STYXL2: variants seen among roughly 807,000 people sequenced by gnomAD.
The protein encoded by STYXL2 is serine/threonine/tyrosine interacting like 2.
Under a neutral mutation model 52.4 loss-of-function variants are expected in STYXL2, and 44 were observed. The observed-to-expected ratio is 0.84, with a 90% CI of 0.66 to 1.08. STYXL2 has a LOEUF of 1.08. STYXL2 is among the 50% of genes least tolerant of loss of function. The pLI, the probability that STYXL2 is intolerant of heterozygous loss-of-function variation, is 0.00. For missense variants in STYXL2, 1,604 were observed against 1,471.7 expected (o/e 1.09, Z -1.47); for synonymous variants, 604 against 586.9 (o/e 1.03, Z -0.42).
chr1:167,094,708 G>C, intron 1 of STYXL2, 126 bp from the exon 2 acceptor site: 1 of 658,140 alleles, frequency 1.5e-6, no homozygotes, highest in Non-Finnish European at 2.7e-6. Context: ...TTCCTTGCTG[G>C]TCTTTTGCCC....
chr1:167,119,178 C>A, intron 4 of STYXL2, 71 bp from the exon 5 acceptor site: 1 of 1,458,384 alleles, frequency 6.9e-7, no homozygotes, highest in Non-Finnish European at 9.5e-7. Context: ...CTGAGGCAGG[C>A]TCACCGTCAC....
intron 2 of STYXL2, among the ~76,000 whole-genome samples, chr1:167,098,092 A>G (rs939614542): frequency 1.4e-5 from 2 of 145,194 alleles, no homozygotes; most frequent in Non-Finnish European, 3.0e-5. Context: ...GCTCACTGCA[A>G]CCTCTGCCTC....
intron 2 of STYXL2, among the ~76,000 whole-genome samples, chr1:167,095,272 A>C (rs1332587785): frequency 6.6e-6 from 1 of 150,980 alleles, no homozygotes; most frequent in Non-Finnish European, 1.5e-5. Flanking sequence ...GATGGACCCG[A>C]ACCTCAGAGG....
rs1291665972 is a variant in STYXL2 at position 167,127,577 on chromosome 1, G to A, written c.2446G>A (p.Val816Met). The change falls in exon 6 of 6, where the codon GTG becomes ATG. Residue 816 changes from valine (V) to methionine (M), a missense_variant. By Grantham distance (21) the Val-to-Met change is conservative (BLOSUM62 1). Coordinates refer to ENST00000361200, the MANE Select transcript of STYXL2 (RefSeq NM_001080426.3). The stretch of plus-strand genomic sequence containing the variant: ...ACCCGCGGAAAGTTGCAGAAGCAAA[G>A]TGAGGGGGACCAGCAAGCCCATCTT... ...SSPAESCRSK[V>M]RGTSKPIFSL... The A allele has an allele frequency of 1.1e-5, 17 of 1,614,086 alleles. No individual in the cohort carries two copies. Among genetic ancestry groups the A allele is most frequent in the Non-Finnish European group, 1.4e-5 (17 of 1,180,034 alleles).
intron 2 of STYXL2, among the ~76,000 whole-genome samples, chr1:167,097,915 C>T (rs537348018): frequency 2.0e-5 from 3 of 151,376 alleles, no homozygotes; most frequent in African/African-American, 7.3e-5. Flanking sequence ...GTAATTCTAG[C>T]ACTTTTGGAG....
chr1:167,110,803 C>A (rs1400285056), intron 2 of STYXL2, among the ~76,000 whole-genome samples: 2 of 152,196 alleles, frequency 1.3e-5, no homozygotes, highest in Non-Finnish European at 2.9e-5. Flanking sequence ...TGGCCCTTAC[C>A]ACATCCTTTC....
Position 167,097,745 on chromosome 1 carries a change from G to A in STYXL2, c.110+2786G>A, listed in dbSNP as rs115981108. Among the ~76,000 whole-genome samples, 7 of 151,794 alleles carry A rather than the reference G, an allele frequency of 4.6e-5. No homozygotes were observed. In the East Asian group the frequency reaches 1.2e-3, roughly 25 times the overall value. On this transcript the variant is annotated intron_variant, in intron 2 of 5. Transcript: ENST00000361200. Reference sequence around the variant, plus strand: ...GAAAATAGTAGGATGGTAGATTTAAGCTCAAATATATAAATAACTACATTA... The same window carrying A: ...GAAAATAGTAGGATGGTAGATTTAAACTCAAATATATAAATAACTACATTA...
At chr1:167,108,418 A>T (rs1667549585) in intron 2 of STYXL2, among the ~76,000 whole-genome samples, 1 of 152,294 alleles carries the variant, frequency 6.6e-6, no homozygotes, top group African/African-American at 2.4e-5. Context: ...ATAATATCCC[A>T]TGAACTTTAC....
Position 167,113,656 on chromosome 1 carries a change from G to A in STYXL2, c.111-54G>A, listed in dbSNP as rs555980676. The A allele has an allele frequency of 1.8e-5, 24 of 1,321,318 alleles. No individual in the cohort carries two copies. The East Asian group carries it at 5.1e-4, about 28-fold the overall frequency. The allele number at this position is 1,321,318 out of a possible 1,614,324, so 81.8% of individuals were successfully genotyped here. On this transcript the variant is annotated intron_variant, in intron 2 of 5. Coordinates refer to ENST00000361200, the MANE Select transcript of STYXL2 (RefSeq NM_001080426.3). ...AGCCAGGTTTCTCATCTAAAAGAAT[G>A]CCTTCAGTTCAGATGCTACAGGCTT... is the stretch of plus-strand genomic sequence containing the variant.
At chr1:167,117,172 T>G (rs2094464) in intron 3 of STYXL2, among the ~76,000 whole-genome samples, 156 bp from the exon 4 acceptor site, 1,789 of 152,332 alleles carry the variant, frequency 0.012, 32 homozygotes, top group African/African-American at 0.041. Context: ...GCAGGTACCC[T>G]GGGCCCAATT....
chr1:167,115,895 G>C (rs1288877317), intron 3 of STYXL2, among the ~76,000 whole-genome samples: 1 of 152,114 alleles, frequency 6.6e-6, no homozygotes, highest in Non-Finnish European at 1.5e-5. Flanking sequence ...ATGAAATCCT[G>C]AGCCCTAGGC....
At chr1:167,097,195 T>C (rs1231972238) in intron 2 of STYXL2, among the ~76,000 whole-genome samples, 1 of 152,214 alleles carries the variant, frequency 6.6e-6, no homozygotes, top group Non-Finnish European at 1.5e-5. Flanking sequence ...GTTGAAGACA[T>C]GTCTTCCTTG....
rs756182069 is a variant in STYXL2 at position 167,126,416 on chromosome 1, A to G, written c.1285A>G (p.Arg429Gly). ...GAGCGACGCTGGCTCCTCGGTGGGG[A>G]GGCGGCGGCGCACCCTGAGCGAGAG... ...EESDAGSSVG[R>G]RRRTLSESSA... Residue 429 changes from arginine (R) to glycine (G), a missense_variant, in exon 6 of 6, where the codon AGG becomes GGG. Coordinates refer to ENST00000361200, the MANE Select transcript of STYXL2 (RefSeq NM_001080426.3). The G allele has an allele frequency of 9.4e-5, 147 of 1,559,748 alleles. No individual in the cohort carries two copies. The South Asian group carries it at 1.2e-3, about 13-fold the overall frequency.
chr1:167,098,291 G>T (rs1432274629), intron 2 of STYXL2, among the ~76,000 whole-genome samples: 1 of 151,962 alleles, frequency 6.6e-6, no homozygotes, highest in African/African-American at 2.4e-5. Flanking sequence ...TTACAGATGT[G>T]AGCCACCACG....
chr1:167,109,629 A>T (rs1041164106), intron 2 of STYXL2, among the ~76,000 whole-genome samples: 1 of 152,110 alleles, frequency 6.6e-6, no homozygotes, highest in African/African-American at 2.4e-5. Context: ...AATCTCTTGG[A>T]AGCTCTAAGG....
rs142434634 is a variant in STYXL2 at position 167,127,558 on chromosome 1, G to A, written c.2427G>A (p.Ala809=). ...LSCNTTLSSP[A]ESCRSKVRGT... Reference sequence around the variant, plus strand: ...GCAACACCACACTGAGCTCACCCGCGGAAAGTTGCAGAAGCAAAGTGAGGG... The same window carrying A: ...GCAACACCACACTGAGCTCACCCGCAGAAAGTTGCAGAAGCAAAGTGAGGG... The change falls in exon 6 of 6, where the codon GCG becomes GCA. Residue 809 remains alanine (A), a synonymous_variant. Transcript: ENST00000361200. 4.7e-4 allele frequency: 763 copies of A among 1,614,086 alleles called. No homozygotes were observed. Among genetic ancestry groups the A allele is most frequent in the Middle Eastern group, 6.6e-4 (4 of 6,062 alleles).
intron 3 of STYXL2, among the ~76,000 whole-genome samples, chr1:167,114,451 G>A (rs548296941): frequency 6.6e-6 from 1 of 152,268 alleles, no homozygotes; most frequent in Admixed American, 6.5e-5. Flanking sequence ...GGTGAGATGG[G>A]GTGGAGTGGG....
intron 5 of STYXL2, among the ~76,000 whole-genome samples, chr1:167,120,743 A>G (rs1667834929): frequency 6.6e-6 from 1 of 150,902 alleles, no homozygotes; most frequent in Non-Finnish European, 1.5e-5. Flanking sequence ...CGGCCTCCCA[A>G]AGTGCTGAGA....
At chr1:167,116,718 C>T (rs1322802537) in intron 3 of STYXL2, among the ~76,000 whole-genome samples, 1 of 141,798 alleles carries the variant, frequency 7.1e-6, no homozygotes, top group African/African-American at 2.7e-5. Context: ...ATGGCATGCT[C>T]TCAGCTCACT....
Sources: allele counts gnomAD v4.1 joint callset (sites outside exome capture counted in the v4.1 genomes callset), GRCh38; gene constraint gnomAD v4.1.1; transcripts MANE v1.5; gene names NCBI Gene and HGNC (gene_info 2026-07-23, HGNC 2026-07-21).